The following BIRC6 variants were observed in gnomAD, a reference collection of about 807,000 sequenced individuals.
BIRC6 encodes the protein dual E2 ubiquitin-conjugating enzyme/E3 ubiquitin-protein ligase BIRC6.
A neutral mutation model predicts 503.3 loss-of-function variants in BIRC6; 98 were observed. The ratio of observed to expected loss-of-function variants is 0.19; its 90% confidence interval spans 0.17 to 0.23. The LOEUF (loss-of-function observed/expected upper bound fraction) is 0.23, where lower values mean the gene tolerates loss of function less well. Among genes scored for constraint, BIRC6 ranks in the 10% least tolerant of loss-of-function variants. The pLI is 1.00. For synonymous variants in BIRC6, 2,240 were observed against 2,078.7 expected (o/e 1.08, Z -2.11); for missense variants, 5,360 against 5,806.0 (o/e 0.92, Z 2.50).
chr2:32,479,620 A>G lies in BIRC6; in HGVS notation c.7408+3A>G. 3.1e-6 allele frequency: 5 copies of G among 1,587,928 alleles called. No individual in the cohort carries two copies. The South Asian group carries it at 3.4e-5, about 11-fold the overall frequency. On this transcript the variant is annotated splice_donor_region_variant and intron_variant, in intron 37 of 73. Coordinates refer to ENST00000421745, the MANE Select transcript of BIRC6 (RefSeq NM_016252.4). The stretch of plus-strand genomic sequence containing the variant: ...ACCTTTGACACATGACATAACAGGT[A>G]AAGTTTTACATTATGTTTCTTCTTT...
Position 32,545,823 on chromosome 2 carries a change from C to T in BIRC6, c.12773C>T (p.Ser4258Phe). The stretch of plus-strand genomic sequence containing the variant: ...TGTCTCTCTGCTTTGAGCCACCATT[C>T]CCCACGAGTTCCAAACTCTAGCGTG... The part of the protein sequence containing the change: ...LVCLSALSHH[S>F]PRVPNSSVNQ... Residue 4258 changes from serine to phenylalanine, a missense_variant, in exon 63 of 74, where the codon TCC (serine) becomes TTC (phenylalanine). Around this residue, in one of 16 missense-constraint regions of BIRC6, gnomAD observed 477 missense variants for 574.4 expected, o/e 0.83. Coordinates refer to ENST00000421745, the MANE Select transcript of BIRC6 (RefSeq NM_016252.4). The T allele has an allele frequency of 6.2e-7, 1 of 1,613,830 alleles. No homozygotes were observed. The highest frequency in any genetic ancestry group is 8.5e-7 in the Non-Finnish European group (1 of 1,179,806).
At chr2:32,476,906 G>A (rs1482334369) in intron 34 of BIRC6, among the ~76,000 whole-genome samples, 2 of 152,070 alleles carry the variant, frequency 1.3e-5, no homozygotes, top group African/African-American at 2.4e-5. Flanking sequence ...AAAATTTTGA[G>A]GGATACCGTG....
intron 73 of BIRC6, among the ~76,000 whole-genome samples, chr2:32,616,744 TTCTC>T (rs1183541028): frequency 6.6e-6 from 1 of 152,182 alleles, no homozygotes; most frequent in Non-Finnish European, 1.5e-5. Flanking sequence ...GGATTTGTCT[TTCTC>T]TCAAAAACGT....
At chr2:32,552,978 G>A (rs1005740865) in intron 65 of BIRC6, among the ~76,000 whole-genome samples, 1 of 148,730 alleles carries the variant, frequency 6.7e-6, no homozygotes, top group African/African-American at 2.5e-5. Flanking sequence ...GCATGCTACC[G>A]TTTAACCTAC....
intron 5 of BIRC6, among the ~76,000 whole-genome samples, chr2:32,394,939 A>G (rs2039692565): frequency 2.0e-5 from 3 of 152,326 alleles, no homozygotes; most frequent in East Asian, 1.9e-4. Context: ...TCACAGGATC[A>G]GGAGATTGAG....
intron 9 of BIRC6, among the ~76,000 whole-genome samples, chr2:32,411,933 G>T (rs2041935326): frequency 6.6e-6 from 1 of 152,126 alleles, no homozygotes; most frequent in Non-Finnish European, 1.5e-5. Context: ...GACATCTATT[G>T]TAAGACTTTC....
chr2:32,582,345 G>C (rs1198800542), intron 66 of BIRC6, among the ~76,000 whole-genome samples: 4 of 152,104 alleles, frequency 2.6e-5, no homozygotes, highest in African/African-American at 4.8e-5. Context: ...GTAAAACCCT[G>C]ATATATTAGT....
Position 32,488,617 on chromosome 2 carries a change from A to G in BIRC6, c.7998A>G (p.Thr2666=). Residue 2666 remains threonine, a synonymous_variant, in exon 42 of 74, where the codon ACA becomes ACG. Coordinates refer to ENST00000421745, the MANE Select transcript of BIRC6 (RefSeq NM_016252.4). Reference sequence around the variant, plus strand: ...AGTCACTTCTCCAATTGTGGCTCACACTGAGCCTGAATTCTAGTTCAACTG... The same window carrying G: ...AGTCACTTCTCCAATTGTGGCTCACGCTGAGCCTGAATTCTAGTTCAACTG... ...QLESLLQLWL[T]LSLNSSSTGN... 6.5e-7 allele frequency: 1 copy of G among 1,535,968 alleles called. No individual in the cohort carries two copies.
intron 40 of BIRC6, among the ~76,000 whole-genome samples, chr2:32,486,039 T>G (rs1217996970): frequency 6.6e-6 from 1 of 152,230 alleles, no homozygotes; most frequent in Non-Finnish European, 1.5e-5. Flanking sequence ...GTAAGGTTAA[T>G]AAAATTCCTA....
intron 10 of BIRC6, among the ~76,000 whole-genome samples, chr2:32,418,231 A>G (rs761171868): frequency 1.3e-5 from 2 of 152,266 alleles, no homozygotes; most frequent in Non-Finnish European, 2.9e-5. Context: ...CAGAACAACC[A>G]TTAAAATTCT....
chr2:32,610,211 T>G (rs2062768187), intron 72 of BIRC6, among the ~76,000 whole-genome samples: 1 of 152,196 alleles, frequency 6.6e-6, no homozygotes, highest in Non-Finnish European at 1.5e-5. Context: ...TAGGTTTGAT[T>G]GTCTGTTCTT....
chr2:32,465,629 A>G (rs557540418), intron 26 of BIRC6, among the ~76,000 whole-genome samples: 1 of 152,290 alleles, frequency 6.6e-6, no homozygotes, highest in Admixed American at 6.5e-5. Flanking sequence ...CTTATATGCT[A>G]CAGAACTGAC....
chr2:32,457,626 A>G (rs1359495729), intron 23 of BIRC6, among the ~76,000 whole-genome samples: 7 of 152,124 alleles, frequency 4.6e-5, no homozygotes, highest in Admixed American at 1.3e-4. Context: ...ATACATTATT[A>G]TAATTTTTTA....
chr2:32,377,862 T>G, intron 2 of BIRC6, 93 bp downstream of exon 2: 2 of 1,093,256 alleles, frequency 1.8e-6, no homozygotes, highest in Non-Finnish European at 2.6e-6. Flanking sequence ...TTTAAGGACG[T>G]TATTATATAT....
rs1000783264 is a variant in BIRC6, at chr2:32,474,061, A to G, written c.6720+822A>G. Among the ~76,000 whole-genome samples the G allele has an allele frequency of 5.3e-5, 8 of 151,964 alleles. No individual in the cohort carries two copies. The East Asian group carries it at 7.7e-4, about 15-fold the overall frequency. Reference sequence around the variant, plus strand: ...CTGAGCCACTGTGTCCGGCCACACAATATTTTTATTATTGCTTTAAGATGT... The same window carrying G: ...CTGAGCCACTGTGTCCGGCCACACAGTATTTTTATTATTGCTTTAAGATGT... On this transcript the variant is annotated intron_variant, in intron 33 of 73. Transcript: ENST00000421745.
chr2:32,358,345 C>T (rs1279515482), intron 1 of BIRC6, among the ~76,000 whole-genome samples: 2 of 149,206 alleles, frequency 1.3e-5, no homozygotes, highest in Non-Finnish European at 2.9e-5. Context: ...TTCTGGGTGG[C>T]GTAAACCTTG....
intron 1 of BIRC6, among the ~76,000 whole-genome samples, chr2:32,363,578 T>C (rs1002626046): frequency 3.9e-5 from 6 of 152,174 alleles, no homozygotes; most frequent in Non-Finnish European, 8.8e-5. Flanking sequence ...CCCTCCCCAG[T>C]GTAGTACATT....
intron 65 of BIRC6, among the ~76,000 whole-genome samples, chr2:32,569,124 G>C (rs948359800): frequency 1.3e-5 from 2 of 151,694 alleles, no homozygotes; most frequent in African/African-American, 2.4e-5. Context: ...CGAGTAGCTG[G>C]GTTTACAGAC....
intron 66 of BIRC6, chr2:32,590,712 G>C (rs1333659770): frequency 1.1e-6 from 1 of 876,278 alleles, no homozygotes; most frequent in Non-Finnish European, 1.4e-6. Context: ...TAACTAATTA[G>C]CTATTTAGTT....
Sources: gnomAD v4.1 joint callset for allele counts (sites outside exome capture counted in the v4.1 genomes callset) on GRCh38, gnomAD v4.1.1 for gene constraint, gnomAD v4.1.1 regional missense constraint, MANE v1.5 for transcripts, NCBI Gene and HGNC (gene_info 2026-07-23, HGNC 2026-07-21) for gene names.